PTPRD: variants seen among roughly 807,000 people sequenced by gnomAD.
The protein encoded by PTPRD is receptor-type tyrosine-protein phosphatase delta.
Under a neutral mutation model 214.5 loss-of-function variants are expected in PTPRD, and 34 were observed. That is an observed-to-expected ratio of 0.16 (90% CI 0.12 to 0.21). PTPRD has a LOEUF of 0.21. PTPRD is among the 10% of genes least tolerant of loss of function. The probability of loss-of-function intolerance (pLI) is 1.00; values close to 1 mark genes in which losing one functional copy is unlikely to be tolerated. For synonymous variants in PTPRD, 1,128 were observed against 845.7 expected, an observed-to-expected ratio of 1.33 and a Z score of -5.79; for missense variants, 2,545 against 2,398.7, an observed-to-expected ratio of 1.06 and a Z score of -1.27.
At chr9:9,356,225 GT>G (rs1569567669) in intron 9 of PTPRD, among the ~76,000 whole-genome samples, 1 of 151,214 alleles carries the variant, frequency 6.6e-6, no homozygotes, top group African/African-American at 2.4e-5. Flanking sequence ...TTTTGTGTAT[GT>G]TTTTTTAATC....
At chr9:9,920,235 A>G (rs2082176471) in intron 5 of PTPRD, among the ~76,000 whole-genome samples, 1 of 152,100 alleles carries the variant, frequency 6.6e-6, no homozygotes, top group Admixed American at 6.6e-5. Flanking sequence ...TGTTTACCTC[A>G]GCTTTTTGTG....
At chr9:8,964,419 C>CTGAT (rs894017343) in intron 11 of PTPRD, among the ~76,000 whole-genome samples, 3 of 151,394 alleles carry the variant, frequency 2.0e-5, no homozygotes, top group African/African-American at 7.3e-5. Flanking sequence ...GTTGTTGTTT[C>CTGAT]TGATTGTGCT....
chr9:9,792,471 A>C (rs1285892407), intron 5 of PTPRD, among the ~76,000 whole-genome samples: 1 of 152,122 alleles, frequency 6.6e-6, no homozygotes, highest in Non-Finnish European at 1.5e-5. Context: ...ATGATGTTCA[A>C]TTTTTGTATG....
intron 11 of PTPRD, among the ~76,000 whole-genome samples, chr9:8,798,329 C>T (rs2096491535): frequency 6.6e-6 from 1 of 152,124 alleles, no homozygotes; most frequent in Non-Finnish European, 1.5e-5. Flanking sequence ...ATAATCATCA[C>T]TTTAAAAATT....
At chr9:9,997,546 C>G (rs549209032) in intron 4 of PTPRD, among the ~76,000 whole-genome samples, 32 of 152,112 alleles carry the variant, frequency 2.1e-4, no homozygotes, top group Non-Finnish European at 4.0e-4. Context: ...ACCTCAGCCT[C>G]CCAAAGTGCT....
intron 14 of PTPRD, among the ~76,000 whole-genome samples, chr9:8,563,004 G>T (rs191654184): frequency 6.6e-6 from 1 of 152,170 alleles, no homozygotes; most frequent in East Asian, 1.9e-4. Flanking sequence ...AGGCAGATGA[G>T]TAGATAAATA....
chr9:8,616,426 A>G (rs2095614384), intron 14 of PTPRD, among the ~76,000 whole-genome samples: 1 of 152,120 alleles, frequency 6.6e-6, no homozygotes, highest in Admixed American at 6.6e-5. Flanking sequence ...GATAACTACC[A>G]TGTCTTCATA....
At chr9:10,509,526 CTATAATAAATATATTTACA>C (rs2047242869) in intron 2 of PTPRD, among the ~76,000 whole-genome samples, 2 of 101,072 alleles carry the variant, frequency 2.0e-5, no homozygotes, top group Admixed American at 2.2e-4. Context: ...GCTGACTTAC[CTATAATAAATATATTTACA>C]TTTAATAAAT....
At position 8,375,969 on chromosome 9, in the gene PTPRD, G is replaced by A. The variant is rs1242333397; in HGVS notation, c.4628C>T (p.Pro1543Leu). The change falls in exon 39 of 46, where the codon CCT becomes CTT. Residue 1543 changes from proline (P) to leucine (L), a missense_variant. Coordinates refer to ENST00000381196, the MANE Select transcript of PTPRD (RefSeq NM_002839.4). ...CACAACCATCGGACCAGCATCGGGA[G>A]GGTTACAGGTTTTGACTCTACGTAA... ...AFLRRVKTCNPPDAGPMVVHC... is the reference protein window; with the variant it reads ...AFLRRVKTCNLPDAGPMVVHC... 3 of 1,612,720 alleles carry A rather than the reference G, an allele frequency of 1.9e-6. No individual in the cohort carries two copies. Among genetic ancestry groups the A allele is most frequent in the Non-Finnish European group, 2.5e-6 (3 of 1,179,194 alleles).
At chr9:10,437,588 G>A (rs1324205135) in intron 2 of PTPRD, among the ~76,000 whole-genome samples, 1 of 151,544 alleles carries the variant, frequency 6.6e-6, no homozygotes, top group Non-Finnish European at 1.5e-5. Flanking sequence ...AAAGCATGAG[G>A]GTTATTTCAC....
chr9:10,338,445 G>T (rs564150842), intron 3 of PTPRD, among the ~76,000 whole-genome samples: 58 of 151,808 alleles, frequency 3.8e-4, no homozygotes, highest in Admixed American at 3.8e-3. Context: ...AGCCAATAAT[G>T]CATTTCAACA....
At chr9:9,865,127 A>C (rs2063658324) in intron 5 of PTPRD, among the ~76,000 whole-genome samples, 1 of 152,244 alleles carries the variant, frequency 6.6e-6, no homozygotes, top group African/African-American at 2.4e-5. Context: ...TGATATTTGT[A>C]AAAGTTTATG....
intron 10 of PTPRD, among the ~76,000 whole-genome samples, chr9:9,101,473 T>G (rs1183186502): frequency 6.6e-5 from 10 of 152,228 alleles, no homozygotes; most frequent in African/African-American, 2.4e-4. Context: ...AAGGTGATTC[T>G]GAATATATTC....
At chr9:10,348,290 A>T (rs543019644) in intron 2 of PTPRD, among the ~76,000 whole-genome samples, 9 of 152,306 alleles carry the variant, frequency 5.9e-5, no homozygotes, top group Admixed American at 1.3e-4. Flanking sequence ...CACCTATGCC[A>T]ATGATCTACT....
chr9:10,407,911 T>G (rs776382930), intron 2 of PTPRD, among the ~76,000 whole-genome samples: 36 of 151,702 alleles, frequency 2.4e-4, no homozygotes, highest in Admixed American at 6.6e-4. Flanking sequence ...CAACTCATAG[T>G]AAGACTTTTT....
intron 11 of PTPRD, among the ~76,000 whole-genome samples, chr9:9,005,700 C>G (rs1173095304): frequency 6.6e-6 from 1 of 151,986 alleles, no homozygotes; most frequent in Non-Finnish European, 1.5e-5. Context: ...TTATTATTCT[C>G]TAATGCATTT....
chr9:9,732,027 G>C (rs184205622), intron 7 of PTPRD, among the ~76,000 whole-genome samples: 4 of 152,178 alleles, frequency 2.6e-5, no homozygotes. Context: ...AAGAGTTCAA[G>C]GACAGGGGGA....
chr9:9,285,469 T>G (rs534510579), intron 9 of PTPRD, among the ~76,000 whole-genome samples: 1 of 151,932 alleles, frequency 6.6e-6, no homozygotes, highest in African/African-American at 2.4e-5. Context: ...ATTGGAGGAA[T>G]AATCACTTGA....
intron 43 of PTPRD, among the ~76,000 whole-genome samples, chr9:8,333,985 T>C (rs1016578524): frequency 3.3e-5 from 5 of 152,186 alleles, no homozygotes; most frequent in South Asian, 2.1e-4. Context: ...AAGAGTTAAC[T>C]ATCCTAAATA....
Sources: allele counts gnomAD v4.1 joint callset (sites outside exome capture counted in the v4.1 genomes callset), GRCh38; gene constraint gnomAD v4.1.1; transcripts MANE v1.5; gene names NCBI Gene and HGNC (gene_info 2026-07-23, HGNC 2026-07-21).